The following SYNJ2 variants were observed in gnomAD, a reference collection of about 807,000 sequenced individuals.
SYNJ2 encodes the protein synaptojanin 2.
In SYNJ2, 116 loss-of-function variants were observed where a neutral mutation model predicts 141.3. That is an observed-to-expected ratio of 0.82 (90% confidence interval 0.71 to 0.96). The LOEUF is 0.96. SYNJ2 is among the 40% of genes least tolerant of loss of function. The pLI, the probability that SYNJ2 is intolerant of heterozygous loss-of-function variation, is 0.00. For missense variants in SYNJ2, 1,873 were observed against 1,934.8 expected, an observed-to-expected ratio of 0.97 and a Z score of 0.60; for synonymous variants, 745 against 777.7, an observed-to-expected ratio of 0.96 and a Z score of 0.70.
In SYNJ2 at chr6:158,069,671, C is replaced by T. The variant is rs1313746095; in HGVS notation, c.1938C>T (p.Ile646=). 3.1e-6 allele frequency: 5 copies of T among 1,609,944 alleles called. No homozygotes were observed. The highest frequency in any genetic ancestry group is 4.2e-6 in the Non-Finnish European group (5 of 1,177,452). ...IFVRPYHVPF[I]RDVAIDTVKT... Reference sequence around the variant, plus strand: ...TACGTCCATACCATGTCCCGTTCATCAGGTAAGAACATTCTGTTTACACAC... The same window carrying T: ...TACGTCCATACCATGTCCCGTTCATTAGGTAAGAACATTCTGTTTACACAC... The change falls in exon 14 of 27, where the codon ATC becomes ATT. Residue 646 remains isoleucine, a splice_region_variant and synonymous_variant. Coordinates refer to ENST00000355585, the MANE Select transcript of SYNJ2 (RefSeq NM_003898.4).
At position 158,084,185 on chromosome 6, in the gene SYNJ2, C is replaced by A. The variant is rs1163504580; in HGVS notation, c.3208+11C>A. 1.7e-5 allele frequency: 28 copies of A among 1,609,364 alleles called. No homozygotes were observed. Among genetic ancestry groups the A allele is most frequent in the Non-Finnish European group, 2.3e-5 (27 of 1,177,200 alleles). On this transcript the variant is annotated intron_variant, in intron 22 of 26. Coordinates refer to ENST00000355585, the MANE Select transcript of SYNJ2 (RefSeq NM_003898.4). This position sits in a 1 kb window ranked among gnomAD's most constrained non-coding sequence, Gnocchi z 5.0. ...ATCCAACGTACAAAGGTAGCCTGACCCTTCTTTTCTCAGGAGCCTCAGCGA... is the reference window on the plus strand; with the variant it reads ...ATCCAACGTACAAAGGTAGCCTGACACTTCTTTTCTCAGGAGCCTCAGCGA...
intron 1 of SYNJ2, among the ~76,000 whole-genome samples, chr6:158,016,789 C>G (rs968136302): frequency 2.6e-5 from 4 of 152,174 alleles, no homozygotes; most frequent in Non-Finnish European, 5.9e-5. Flanking sequence ...GCACCTCTGC[C>G]CAGTCTCCCC....
rs768214537 is a variant in SYNJ2, at chr6:158,055,044, C to T, written c.857+16C>T. On this transcript the variant is annotated intron_variant, in intron 6 of 26. Coordinates refer to ENST00000355585, the MANE Select transcript of SYNJ2 (RefSeq NM_003898.4). Reference sequence around the variant, plus strand: ...CTTTCGACAGGTAGGGATTGTCTGACACCATCCAAGCCTGTCATTGTCATC... The same window carrying T: ...CTTTCGACAGGTAGGGATTGTCTGATACCATCCAAGCCTGTCATTGTCATC... 1.9e-5 allele frequency: 31 copies of T among 1,612,858 alleles called. No individual in the cohort carries two copies. The highest frequency in any genetic ancestry group is 2.5e-5 in the Non-Finnish European group (30 of 1,179,684).
chr6:158,069,726 G>T (rs1781797434), intron 14 of SYNJ2, 53 bp downstream of exon 14: 15 of 1,538,632 alleles, frequency 9.7e-6, no homozygotes, highest in South Asian at 1.3e-5. Flanking sequence ...GTTAGTCTTT[G>T]TGTTTTGTTC....
chr6:158,075,469 C>T (rs147939193), intron 16 of SYNJ2, among the ~76,000 whole-genome samples: 21 of 151,624 alleles, frequency 1.4e-4, no homozygotes, highest in Admixed American at 1.2e-3. Context: ...GGTGAAACCC[C>T]ATCTCTACTA....
rs1274808165 is a variant in SYNJ2, at chr6:158,019,903, C to T, written c.214+2613C>T. ...AGTCCCCATTGGTTATCTTAAGGGG[C>T]GTTTGACTTTAACTTGATTTTCTTT... is the stretch of plus-strand genomic sequence containing the variant. On this transcript the variant is annotated intron_variant, in intron 2 of 26. Transcript: ENST00000355585. Among the ~76,000 whole-genome samples, 7 of 152,236 alleles carry T rather than the reference C, an allele frequency of 4.6e-5. No individual in the cohort carries two copies. In the East Asian group the frequency reaches 1.2e-3, roughly 25 times the overall value.
chr6:158,048,466 A>T (rs1780376862), intron 5 of SYNJ2, among the ~76,000 whole-genome samples: 1 of 152,160 alleles, frequency 6.6e-6, no homozygotes. Flanking sequence ...GGGCCTGTGG[A>T]TGCTACACTG....
chr6:158,067,546 G>A (rs1781643896), intron 12 of SYNJ2: 5 of 985,300 alleles, frequency 5.1e-6, no homozygotes, highest in African/African-American at 1.7e-5. Context: ...CGTTGACTCG[G>A]GCCTTGGTTT....
chr6:158,005,271 G>T (rs1308054849), intron 1 of SYNJ2, among the ~76,000 whole-genome samples: 4 of 152,060 alleles, frequency 2.6e-5, no homozygotes, highest in Non-Finnish European at 4.4e-5. Context: ...TAGAGATGGG[G>T]TTTCACCATG....
chr6:157,983,830 AAT>A lies in SYNJ2; in HGVS notation c.127+1743_127+1744del, dbSNP rs201092403. Among the ~76,000 whole-genome samples the A allele has an allele frequency of 6.8e-3, 1,028 of 151,692 alleles. 7 individuals are homozygous for A. The highest frequency in any genetic ancestry group is 0.024 in the African/African-American group (983 of 41,102). ...TTTTCAGTAGAAAACTTTAAAAAAAAATTTTTTTTTTTTTTGAAACAGAGGCT... is the reference window on the plus strand; with the variant it reads ...TTTTCAGTAGAAAACTTTAAAAAAAATTTTTTTTTTTTTGAAACAGAGGCT... On this transcript the variant is annotated intron_variant, in intron 1 of 26. Coordinates refer to ENST00000355585, the MANE Select transcript of SYNJ2 (RefSeq NM_003898.4).
intron 26 of SYNJ2, chr6:158,093,897 T>G (rs1783632773): frequency 1.3e-6 from 1 of 765,094 alleles, no homozygotes; most frequent in Non-Finnish European, 2.4e-6. Flanking sequence ...GATTGTTTTT[T>G]GCTCTCGCTC....
chr6:157,981,771 C>T (rs1316823980), upstream of SYNJ2: 22 of 443,588 alleles, frequency 5.0e-5, no homozygotes, highest in East Asian at 8.0e-4. The surrounding 1 kb of genome is among the most constrained non-coding windows in gnomAD (Gnocchi z 6.4). Context: ...GCGCCCTCAC[C>T]TGCCCCAGGC....
chr6:158,076,233 T>TA lies in SYNJ2; in HGVS notation c.2293-392dup, dbSNP rs199973101. 4.1e-3 allele frequency among the ~76,000 whole-genome samples: 624 copies of TA among 152,246 alleles called. 6 individuals are homozygous for TA. The highest frequency in any genetic ancestry group is 0.014 in the African/African-American group (578 of 41,534). On this transcript the variant is annotated intron_variant, in intron 16 of 26. Transcript: ENST00000355585. Reference sequence around the variant, plus strand: ...CTTTCACTCTGCGCTTCTATGTACTTAGCTCATTTAGTCAACAAACATAGA... The same window carrying TA: ...CTTTCACTCTGCGCTTCTATGTACTTAAGCTCATTTAGTCAACAAACATAGA...
Position 158,098,121 on chromosome 6 carries a change from A to G in SYNJ2, c.*1757A>G, listed in dbSNP as rs1453685451. On this transcript the variant is annotated 3_prime_UTR_variant, in exon 27 of 27. Transcript: ENST00000355585. ...TAAATGAAATGAAATTGAAGAATTC[A>G]TTCAAATGCTCTTTTCCCTATAACC... is the stretch of plus-strand genomic sequence containing the variant. The G allele has an allele frequency of 6.6e-6, 1 of 152,222 alleles. No individual in the cohort carries two copies. The highest frequency in any genetic ancestry group is 1.5e-5 in the Non-Finnish European group (1 of 68,040). The allele number at this position is 152,222 out of a possible 1,614,324, so 9.4% of individuals were successfully genotyped here.
At chr6:158,093,892 T>C in intron 26 of SYNJ2, 1 of 765,094 alleles carries the variant, frequency 1.3e-6, no homozygotes, top group South Asian at 1.3e-5. Context: ...TTGCAGATTG[T>C]TTTTTGCTCT....
intron 15 of SYNJ2, among the ~76,000 whole-genome samples, chr6:158,072,609 G>A (rs945110652): frequency 1.3e-5 from 2 of 152,026 alleles, no homozygotes; most frequent in Non-Finnish European, 2.9e-5. Context: ...TGGGCTGCAC[G>A]AGCACTCAAG....
intron 4 of SYNJ2, among the ~76,000 whole-genome samples, chr6:158,038,478 C>T (rs1779757932): frequency 6.6e-6 from 1 of 152,112 alleles, no homozygotes; most frequent in Non-Finnish European, 1.5e-5. Context: ...GGCCCTACAC[C>T]CACGGTAGCT....
At position 158,071,734 on chromosome 6, in the gene SYNJ2, C is replaced by A; in HGVS notation, c.2073C>A (p.Ser691=). 6.2e-7 allele frequency: 1 copy of A among 1,613,990 alleles called. No homozygotes were observed. The highest frequency in any genetic ancestry group is 8.5e-7 in the Non-Finnish European group (1 of 1,180,026). ...GTAGTCACCTGACGGCCGGGCAGTC[C>A]CAGGTGAAGGAGCGGAATGAAGACT... ...FICSHLTAGQ[S]QVKERNEDYK... The change falls in exon 15 of 27, where the codon TCC becomes TCA. Residue 691 remains serine (S), a synonymous_variant. Coordinates refer to ENST00000355585, the MANE Select transcript of SYNJ2 (RefSeq NM_003898.4). This position sits in a 1 kb window ranked among gnomAD's most constrained non-coding sequence, Gnocchi z 4.3.
At chr6:158,047,957 C>A (rs1175645967) in intron 5 of SYNJ2, among the ~76,000 whole-genome samples, 2 of 152,044 alleles carry the variant, frequency 1.3e-5, no homozygotes, top group Non-Finnish European at 2.9e-5. Flanking sequence ...GAGTTTCCTC[C>A]TGTCTTTGTG....
Sources: allele counts gnomAD v4.1 joint callset (sites outside exome capture counted in the v4.1 genomes callset), GRCh38; gene constraint gnomAD v4.1.1; non-coding constraint Gnocchi (gnomAD v3.1); transcripts MANE v1.5; gene names NCBI Gene and HGNC (gene_info 2026-07-23, HGNC 2026-07-21).